The following RIMS2 variants were observed in gnomAD, a reference collection of about 807,000 sequenced individuals.
The protein encoded by RIMS2 is regulating synaptic membrane exocytosis protein 2.
A neutral mutation model predicts 174.4 loss-of-function variants in RIMS2; 59 were observed. The ratio of observed to expected loss-of-function variants is 0.34; its 90% CI spans 0.27 to 0.42. The LOEUF (loss-of-function observed/expected upper bound fraction) is 0.42, where lower values mean the gene tolerates loss of function less well. Among genes scored for constraint, RIMS2 ranks in the 10% least tolerant of loss-of-function variants. The probability of loss-of-function intolerance (pLI) is 1.00; values close to 1 mark genes in which losing one functional copy is unlikely to be tolerated. For synonymous variants in RIMS2, 606 were observed against 572.5 expected, an observed-to-expected ratio of 1.06 and a Z score of -0.84; for missense variants, 1,620 against 1,666.3, an observed-to-expected ratio of 0.97 and a Z score of 0.48.
chr8:103,568,923 T>C (rs10505045), intron 1 of RIMS2: 139,679 of 895,402 alleles, frequency 0.16, 12,550 homozygotes, highest in African/African-American at 0.26. Context: ...ATCAGTGGCA[T>C]TGCAAAACTG....
chr8:103,791,449 C>T (rs1056015378), intron 3 of RIMS2, among the ~76,000 whole-genome samples: 3 of 152,098 alleles, frequency 2.0e-5, no homozygotes, highest in Non-Finnish European at 2.9e-5. Context: ...ACAACCCGTA[C>T]GAGCCACTGC....
intron 19 of RIMS2, among the ~76,000 whole-genome samples, chr8:104,150,118 T>C (rs965763376): frequency 1.3e-5 from 2 of 152,174 alleles, no homozygotes; most frequent in Non-Finnish European, 2.9e-5. Flanking sequence ...GGTTTTTTTA[T>C]ACTTCTCTAA....
chr8:104,086,700 C>A (rs1389111502), intron 19 of RIMS2, among the ~76,000 whole-genome samples: 1 of 152,082 alleles, frequency 6.6e-6, no homozygotes, highest in Non-Finnish European at 1.5e-5. Context: ...CCGCTTTTTA[C>A]TTTAAGCTGT....
intron 17 of RIMS2, among the ~76,000 whole-genome samples, chr8:104,011,174 T>G (rs1239317124): frequency 2.6e-5 from 4 of 152,128 alleles, no homozygotes. Flanking sequence ...GTCAGACCTA[T>G]TTTTATCCAA....
intron 2 of RIMS2, among the ~76,000 whole-genome samples, chr8:103,742,176 G>A (rs2097768221): frequency 6.6e-6 from 1 of 151,970 alleles, no homozygotes; most frequent in South Asian, 2.1e-4. Flanking sequence ...TATTTCTTAT[G>A]ATTATCCACT....
chr8:104,190,630 G>C (rs1333615443), intron 19 of RIMS2, among the ~76,000 whole-genome samples: 1 of 152,056 alleles, frequency 6.6e-6, no homozygotes, highest in Non-Finnish European at 1.5e-5. Flanking sequence ...GTTTAGTACT[G>C]AAAAGTGAGT....
chr8:104,230,279 CAAA>C (rs34786751), intron 19 of RIMS2, among the ~76,000 whole-genome samples: 16 of 111,100 alleles, frequency 1.4e-4, no homozygotes, highest in Admixed American at 4.8e-4. Context: ...AACTACATCT[CAAA>C]AAAAAAAAAA....
intron 19 of RIMS2, among the ~76,000 whole-genome samples, chr8:104,156,289 C>T (rs897513737): frequency 1.4e-5 from 2 of 144,182 alleles, no homozygotes; most frequent in African/African-American, 2.5e-5. Context: ...TCTCTTCAGC[C>T]ACTACCTGGG....
chr8:103,651,212 TC>T (rs1265063873), intron 1 of RIMS2, among the ~76,000 whole-genome samples: 1 of 152,230 alleles, frequency 6.6e-6, no homozygotes, highest in Non-Finnish European at 1.5e-5. Flanking sequence ...TTCCCTTTGC[TC>T]CGTGCTGCTC....
chr8:103,612,412 G>T (rs942212416), intron 1 of RIMS2, among the ~76,000 whole-genome samples: 1 of 152,106 alleles, frequency 6.6e-6, no homozygotes, highest in African/African-American at 2.4e-5. Context: ...GTCTGGGCTT[G>T]TTTCTACCTG....
At chr8:103,500,824 G>A (rs1586218322) in exon 1 of RIMS2, 4 of 1,133,946 alleles carry the variant, frequency 3.5e-6, no homozygotes, top group East Asian at 5.4e-5. Context: ...CCGCCGCGCC[G>A]GTGCCGCCGC....
intron 17 of RIMS2, 86 bp downstream of exon 19, chr8:103,989,507 T>C (rs2094555887): frequency 4.7e-6 from 3 of 643,368 alleles, no homozygotes; most frequent in Non-Finnish European, 5.3e-6. Flanking sequence ...TTTTCACATA[T>C]TCCTTTTTCT....
At chr8:104,173,250 C>T (rs2098842465) in intron 19 of RIMS2, among the ~76,000 whole-genome samples, 1 of 152,188 alleles carries the variant, frequency 6.6e-6, no homozygotes, top group Admixed American at 6.5e-5. Context: ...TATTCATTTT[C>T]ATTTTTCTAC....
intron 19 of RIMS2, 28 bp from the exon 25 acceptor site, chr8:104,148,579 T>G (rs759878692): frequency 6.3e-7 from 1 of 1,580,556 alleles, no homozygotes; most frequent in Non-Finnish European, 8.6e-7. Context: ...ACTCTTGTCC[T>G]CACTTTTAAT....
intron 1 of RIMS2, among the ~76,000 whole-genome samples, chr8:103,543,436 CA>C (rs1417602959): frequency 2.6e-5 from 4 of 152,054 alleles, no homozygotes; most frequent in Non-Finnish European, 5.9e-5. Flanking sequence ...TCATACTACT[CA>C]AAACTATAGA....
At chr8:104,119,006 A>G (rs1399839765) in intron 19 of RIMS2, among the ~76,000 whole-genome samples, 2 of 152,052 alleles carry the variant, frequency 1.3e-5, no homozygotes, top group Middle Eastern at 3.2e-3. Flanking sequence ...TATCACCAGG[A>G]ATTTTTGAGG....
chr8:103,602,491 T>G (rs2094807528), intron 1 of RIMS2, among the ~76,000 whole-genome samples: 1 of 151,794 alleles, frequency 6.6e-6, no homozygotes, highest in Admixed American at 6.6e-5. Flanking sequence ...CAGCGTCTTT[T>G]GTTCCCCTCC....
At position 103,934,943 on chromosome 8, in the gene RIMS2, C is replaced by T. The variant is rs574983852; in HGVS notation, c.2376-1608C>T. The stretch of plus-strand genomic sequence containing the variant: ...CGAGTTCTTGACCTCGTGATCCACC[C>T]GCCTCGGCCTCCCAAAGTGCTGGGA... On this transcript the variant is annotated intron_variant, in intron 12 of 23. Coordinates refer to ENST00000504942, the Ensembl canonical transcript of RIMS2. 4.9e-4 allele frequency among the ~76,000 whole-genome samples: 75 copies of T among 152,162 alleles called. 1 individual carries two copies. The South Asian group carries it at 9.8e-3, about 20-fold the overall frequency.
chr8:103,758,500 CT>C (rs939971455), intron 2 of RIMS2, among the ~76,000 whole-genome samples: 2 of 151,764 alleles, frequency 1.3e-5, no homozygotes, highest in Non-Finnish European at 2.9e-5. Context: ...TTTTTTTCAG[CT>C]TTTTTTTATT....
Sources: allele counts gnomAD v4.1 joint callset (sites outside exome capture counted in the v4.1 genomes callset), GRCh38; gene constraint gnomAD v4.1.1; transcripts MANE v1.5; gene names NCBI Gene and HGNC (gene_info 2026-07-23, HGNC 2026-07-21).